PKNOX2: variants seen among roughly 807,000 people sequenced by gnomAD.
The protein encoded by PKNOX2 is homeobox protein PKNOX2.
In PKNOX2, 14 loss-of-function variants were observed where a neutral mutation model predicts 53.1. That is an observed-to-expected ratio of 0.26 (90% CI 0.17 to 0.41). The LOEUF is 0.41. Ranked by LOEUF, PKNOX2 falls within the 10% of genes least tolerant of loss-of-function variation. The probability of loss-of-function intolerance (pLI) is 1.00; values close to 1 mark genes in which losing one functional copy is unlikely to be tolerated. For missense variants in PKNOX2, 496 were observed against 602.8 expected (o/e 0.82, Z 1.85); for synonymous variants, 257 against 242.8 (o/e 1.06, Z -0.54).
At chr11:125,307,529 G>A (rs1316313163) in intron 2 of PKNOX2, among the ~76,000 whole-genome samples, 2 of 152,162 alleles carry the variant, frequency 1.3e-5, no homozygotes, top group Non-Finnish European at 2.9e-5. Flanking sequence ...TTGCACCCCA[G>A]CCTGTGCAAA....
chr11:125,296,983 A>C (rs1157669511), intron 2 of PKNOX2, among the ~76,000 whole-genome samples: 1 of 152,182 alleles, frequency 6.6e-6, no homozygotes, highest in Non-Finnish European at 1.5e-5. Flanking sequence ...AAGACAGGGA[A>C]TTTGTTTTGT....
chr11:125,245,551 C>G (rs996341585), intron 2 of PKNOX2, among the ~76,000 whole-genome samples: 9 of 152,230 alleles, frequency 5.9e-5, no homozygotes, highest in African/African-American at 2.4e-5. Flanking sequence ...CGGCCTCCCC[C>G]AAATCCTCTG....
intron 3 of PKNOX2, among the ~76,000 whole-genome samples, chr11:125,349,172 A>G (rs1371528096): frequency 6.6e-6 from 1 of 152,118 alleles, no homozygotes; most frequent in Non-Finnish European, 1.5e-5. Flanking sequence ...ACCCACTTTA[A>G]TATCTCAAAA....
chr11:125,316,645 C>A (rs1433770097), intron 2 of PKNOX2, among the ~76,000 whole-genome samples: 1 of 152,184 alleles, frequency 6.6e-6, no homozygotes, highest in Admixed American at 6.5e-5. Context: ...TGTGGAATAG[C>A]ATTATGCCTT....
chr11:125,216,438 G>T (rs1184173696), intron 1 of PKNOX2, among the ~76,000 whole-genome samples: 1 of 152,198 alleles, frequency 6.6e-6, no homozygotes, highest in Non-Finnish European at 1.5e-5. Flanking sequence ...TCCTGGTAGG[G>T]GGGTGAGTCC....
At chr11:125,384,680 G>A (rs760915784) in intron 5 of PKNOX2, among the ~76,000 whole-genome samples, 10 of 152,002 alleles carry the variant, frequency 6.6e-5, no homozygotes, top group South Asian at 4.2e-4. Context: ...GCGAGACTCC[G>A]TCTCAAAAAA....
intron 2 of PKNOX2, among the ~76,000 whole-genome samples, chr11:125,329,553 T>C (rs1248293494): frequency 1.3e-5 from 2 of 152,206 alleles, no homozygotes; most frequent in Non-Finnish European, 2.9e-5. Context: ...ATGAAAGATA[T>C]CTAAGATAAC....
chr11:125,211,701 C>T (rs1308615900), intron 1 of PKNOX2, among the ~76,000 whole-genome samples: 5 of 152,020 alleles, frequency 3.3e-5, no homozygotes, highest in Non-Finnish European at 2.9e-5. Flanking sequence ...GCCGGCTGCT[C>T]GGGAGAGAGC....
chr11:125,402,652 T>C (rs115772400), intron 7 of PKNOX2, among the ~76,000 whole-genome samples: 9 of 152,074 alleles, frequency 5.9e-5, no homozygotes, highest in Admixed American at 4.6e-4. Context: ...AGATAAATCA[T>C]GTCAGCCGTG....
chr11:125,396,911 AG>A (rs1024395604), intron 6 of PKNOX2, among the ~76,000 whole-genome samples: 1 of 152,226 alleles, frequency 6.6e-6, no homozygotes, highest in Non-Finnish European at 1.5e-5. Flanking sequence ...GCTAAACTAG[AG>A]GGAAAAAACA....
chr11:125,189,433 GTGTGTGTGTGTGTGTATATATATA>G (rs1238695248), intron 1 of PKNOX2, among the ~76,000 whole-genome samples: 1 of 79,216 alleles, frequency 1.3e-5, no homozygotes, highest in Admixed American at 1.4e-4. Flanking sequence ...GTGTGTGTGT[GTGTGTGTGTGTGTGTATATATATA>G]TATATATATA....
chr11:125,378,712 C>T (rs888383077), intron 5 of PKNOX2, among the ~76,000 whole-genome samples: 4 of 152,148 alleles, frequency 2.6e-5, no homozygotes, highest in African/African-American at 9.7e-5. Flanking sequence ...GGCTGAGAGG[C>T]TTAGAAGGGA....
intron 5 of PKNOX2, among the ~76,000 whole-genome samples, chr11:125,371,657 G>A (rs1262013892): frequency 6.6e-6 from 1 of 152,166 alleles, no homozygotes; most frequent in East Asian, 1.9e-4. Context: ...GGGTGGGGGA[G>A]GAGGTTGGCT....
chr11:125,208,914 C>G (rs11219970), intron 1 of PKNOX2, among the ~76,000 whole-genome samples: 16 of 151,902 alleles, frequency 1.1e-4, no homozygotes, highest in Non-Finnish European at 1.9e-4. Context: ...GATGGGAGTA[C>G]TTGGCCACCT....
At chr11:125,365,807 C>T (rs115248106) in intron 4 of PKNOX2, among the ~76,000 whole-genome samples, 1,722 of 152,310 alleles carry the variant, frequency 0.011, 32 homozygotes, top group African/African-American at 0.038. Context: ...AAATACCTTG[C>T]TGAGGTCACT....
chr11:125,348,439 G>A (rs1456526825), intron 3 of PKNOX2, among the ~76,000 whole-genome samples: 1 of 152,248 alleles, frequency 6.6e-6, no homozygotes, highest in East Asian at 1.9e-4. Context: ...TGGGGCAGTG[G>A]CCTAGTGGCC....
At position 125,166,088 on chromosome 11, in the gene PKNOX2, T is replaced by C. The variant is rs1181195090; in HGVS notation, c.-201+1312T>C. 6.6e-6 allele frequency among the ~76,000 whole-genome samples: 1 copy of C among 151,846 alleles called. No homozygotes were observed. Among genetic ancestry groups the C allele is most frequent in the Non-Finnish European group, 1.5e-5 (1 of 67,974 alleles). On this transcript the variant is annotated intron_variant, in intron 1 of 12. Transcript: ENST00000298282. The surrounding 1 kb of genome is among the most constrained non-coding windows in gnomAD (Gnocchi z 4.0). The stretch of plus-strand genomic sequence containing the variant: ...CCAGTCTAGAGTTCGGTTTATAGGA[T>C]CCAGACTGTTTACGGAATCGGGATC...
intron 2 of PKNOX2, among the ~76,000 whole-genome samples, chr11:125,266,169 C>T (rs1237187882): frequency 1.3e-5 from 2 of 152,152 alleles, no homozygotes; most frequent in Non-Finnish European, 1.5e-5. Context: ...GGAAGAGTAG[C>T]TCAGAAAGCA....
chr11:125,235,857 G>C (rs1942628993), intron 2 of PKNOX2, among the ~76,000 whole-genome samples: 1 of 152,044 alleles, frequency 6.6e-6, no homozygotes, highest in Admixed American at 6.5e-5. Flanking sequence ...GTGAGCTCCT[G>C]GGGGGTAAAG....
Sources: gnomAD v4.1 joint callset for allele counts (sites outside exome capture counted in the v4.1 genomes callset) on GRCh38, gnomAD v4.1.1 for gene constraint, Gnocchi (gnomAD v3.1) non-coding constraint, MANE v1.5 for transcripts, NCBI Gene and HGNC (gene_info 2026-07-23, HGNC 2026-07-21) for gene names.